The following NRXN3 variants were observed in gnomAD, a reference collection of about 807,000 sequenced individuals.
NRXN3 encodes the protein neurexin III.
In NRXN3, 32 loss-of-function variants were observed where a neutral mutation model predicts 137.6. That is an observed-to-expected ratio of 0.23 (90% confidence interval 0.18 to 0.31). The LOEUF is 0.31. Among genes scored for constraint, NRXN3 ranks in the 10% least tolerant of loss-of-function variants. The pLI is 1.00. For synonymous variants in NRXN3, 798 were observed against 784.5 expected (o/e 1.02, Z -0.29); for missense variants, 1,574 against 2,062.5 (o/e 0.76, Z 4.59).
chr14:78,211,539 C>T (rs2062741836), intron 1 of NRXN3, among the ~76,000 whole-genome samples: 1 of 152,248 alleles, frequency 6.6e-6, no homozygotes, highest in Admixed American at 6.5e-5. Flanking sequence ...CTCTTGCAAT[C>T]ACACAGCATC....
At chr14:79,265,184 ATC>A (rs1351315884) in intron 15 of NRXN3, among the ~76,000 whole-genome samples, 1 of 149,124 alleles carries the variant, frequency 6.7e-6, no homozygotes, top group Non-Finnish European at 1.5e-5. Flanking sequence ...ACAACCAAAA[ATC>A]TCTTCCACAT....
intron 19 of NRXN3, among the ~76,000 whole-genome samples, chr14:79,731,657 T>G (rs1603451600): frequency 6.6e-6 from 1 of 150,754 alleles, no homozygotes. Flanking sequence ...TTTTTTTTTT[T>G]GTATTTTTAG....
At position 78,328,180 on chromosome 14, in the gene NRXN3, G is replaced by A. The variant is rs1241394698; in HGVS notation, c.757+30320G>A. ...TTGCTCTAAATCATAGCTCTCTACA[G>A]GGAAGGCTTCTGTGAGTTAAAATCC... On this transcript the variant is annotated intron_variant, in intron 4 of 20. Coordinates refer to ENST00000335750, the MANE Select transcript of NRXN3 (RefSeq NM_001330195.2). 2.6e-5 allele frequency among the ~76,000 whole-genome samples: 4 copies of A among 152,144 alleles called. No individual in the cohort carries two copies. In the South Asian group the frequency reaches 6.2e-4, roughly 24 times the overall value.
intron 8 of NRXN3, among the ~76,000 whole-genome samples, chr14:78,762,383 G>A (rs766912659): frequency 3.9e-5 from 6 of 152,162 alleles, no homozygotes; most frequent in Non-Finnish European, 8.8e-5. Context: ...ACGGACGAGC[G>A]TAGACTTGAA....
At chr14:79,504,662 T>TATATAC (rs2096858451) in intron 16 of NRXN3, among the ~76,000 whole-genome samples, 1 of 142,330 alleles carries the variant, frequency 7.0e-6, no homozygotes, top group Non-Finnish European at 1.5e-5. Flanking sequence ...TATGTATATA[T>TATATAC]ATATATATAT....
chr14:79,594,696 A>T (rs948583470), intron 16 of NRXN3, among the ~76,000 whole-genome samples: 4 of 145,960 alleles, frequency 2.7e-5, no homozygotes, highest in South Asian at 2.2e-4. Flanking sequence ...TCTTCAAAAA[A>T]AAATATATAT....
chr14:78,679,650 G>A (rs540287448), intron 6 of NRXN3, among the ~76,000 whole-genome samples: 6 of 152,242 alleles, frequency 3.9e-5, no homozygotes, highest in African/African-American at 1.2e-4. Flanking sequence ...TGGGAAGTGA[G>A]GTTTAATGCT....
intron 16 of NRXN3, among the ~76,000 whole-genome samples, chr14:79,491,654 AGT>A (rs113305088): frequency 1.3e-5 from 2 of 151,218 alleles, no homozygotes; most frequent in Non-Finnish European, 3.0e-5. Flanking sequence ...AAAATAAAAA[AGT>A]GTGTGTGTGT....
intron 15 of NRXN3, among the ~76,000 whole-genome samples, chr14:79,096,012 A>G (rs1568275489): frequency 1.3e-5 from 2 of 152,034 alleles, no homozygotes; most frequent in Non-Finnish European, 2.9e-5. Context: ...TGATATTCCC[A>G]GTTAGTTAAT....
chr14:78,238,503 C>A (rs992733798), intron 1 of NRXN3, among the ~76,000 whole-genome samples: 4 of 152,174 alleles, frequency 2.6e-5, no homozygotes, highest in Non-Finnish European at 4.4e-5. Flanking sequence ...GCAAAGAAGG[C>A]TGAAGGATAA....
chr14:78,911,237 A>G (rs1442103678), intron 10 of NRXN3, among the ~76,000 whole-genome samples: 1 of 152,202 alleles, frequency 6.6e-6, no homozygotes, highest in East Asian at 1.9e-4. Flanking sequence ...AGGGCTGGTA[A>G]TTGGGCAAAG....
rs1174552670 is a variant in NRXN3, at chr14:79,388,727, CA to C, written c.3263-78492del. Among the ~76,000 whole-genome samples the C allele has an allele frequency of 4.6e-5, 7 of 152,234 alleles. No individual in the cohort carries two copies. In the East Asian group the frequency reaches 1.4e-3, roughly 29 times the overall value. ...CTCACAGATACTCTAGAGGGAGAGG[CA>C]ATTAATTTCTTTTTGGCGGTGAGAT... On this transcript the variant is annotated intron_variant, in intron 15 of 20. Coordinates refer to ENST00000335750, the MANE Select transcript of NRXN3 (RefSeq NM_001330195.2).
chr14:79,409,762 C>G (rs1358939967), intron 15 of NRXN3, among the ~76,000 whole-genome samples: 3 of 151,390 alleles, frequency 2.0e-5, no homozygotes, highest in Non-Finnish European at 4.4e-5. Flanking sequence ...ACCTTCTCCC[C>G]CATTGCCCAT....
At chr14:79,641,246 G>A (rs151087782) in intron 16 of NRXN3, among the ~76,000 whole-genome samples, 2,362 of 134,598 alleles carry the variant, frequency 0.018, 185 homozygotes, top group African/African-American at 0.053. Flanking sequence ...CTGACCTCGT[G>A]ATTTGCCCAC....
chr14:79,602,108 C>T (rs2097931236), intron 16 of NRXN3, among the ~76,000 whole-genome samples: 2 of 152,234 alleles, frequency 1.3e-5, no homozygotes, highest in Admixed American at 1.3e-4. Context: ...TACATACCTA[C>T]TGCAAGAACC....
intron 15 of NRXN3, among the ~76,000 whole-genome samples, chr14:79,235,514 A>G (rs1045096772): frequency 1.3e-5 from 2 of 152,132 alleles, no homozygotes; most frequent in African/African-American, 4.8e-5. Context: ...TGTGTCTATG[A>G]TCCCATTCAC....
intron 15 of NRXN3, among the ~76,000 whole-genome samples, chr14:79,079,177 A>G (rs1446756345): frequency 1.3e-5 from 2 of 152,174 alleles, no homozygotes; most frequent in African/African-American, 4.8e-5. Context: ...GCCATTGCCT[A>G]TAGAAAGATA....
At chr14:78,774,706 C>A (rs2098739482) in intron 8 of NRXN3, among the ~76,000 whole-genome samples, 1 of 152,072 alleles carries the variant, frequency 6.6e-6, no homozygotes, top group Non-Finnish European at 1.5e-5. Flanking sequence ...TCGCTTGAGG[C>A]CAGGAGTTCA....
chr14:78,585,851 G>T (rs1166234578), intron 4 of NRXN3, among the ~76,000 whole-genome samples: 1 of 152,170 alleles, frequency 6.6e-6, no homozygotes, highest in Non-Finnish European at 1.5e-5. Flanking sequence ...ATATGAAATT[G>T]GTGATGGTAT....
Sources: gnomAD v4.1 joint callset for allele counts (sites outside exome capture counted in the v4.1 genomes callset) on GRCh38, gnomAD v4.1.1 for gene constraint, MANE v1.5 for transcripts, NCBI Gene and HGNC (gene_info 2026-07-23, HGNC 2026-07-21) for gene names.